The following NCAN variants were observed in gnomAD, a reference collection of about 807,000 sequenced individuals.
The protein encoded by NCAN is neurocan.
In NCAN, 47 loss-of-function variants were observed where a neutral mutation model predicts 121.8. The ratio of observed to expected loss-of-function variants is 0.39; its 90% CI spans 0.31 to 0.49. The LOEUF is 0.49. Among genes scored for constraint, NCAN ranks in the 20% least tolerant of loss-of-function variants. NCAN has a pLI of 0.92. For missense variants in NCAN, 1,517 were observed against 1,773.4 expected, an observed-to-expected ratio of 0.86 and a Z score of 2.60; for synonymous variants, 633 against 702.0, an observed-to-expected ratio of 0.90 and a Z score of 1.55.
intron 14 of NCAN, 136 bp from the exon 15 acceptor site, chr19:19,249,630 G>T: frequency 7.3e-7 from 1 of 1,361,416 alleles, no homozygotes; most frequent in Non-Finnish European, 9.9e-7. Flanking sequence ...GCCTCCCAAA[G>T]TGCTGGGATG....
In NCAN at chr19:19,248,767, T is replaced by C. The variant is rs147720953; in HGVS notation, c.3705T>C (p.Asn1235=). The C allele has an allele frequency of 6.8e-5, 110 of 1,614,034 alleles. No individual in the cohort carries two copies. Among genetic ancestry groups the C allele is most frequent in the Non-Finnish European group, 9.2e-5 (109 of 1,180,030 alleles). Residue 1235 remains asparagine, a synonymous_variant, in exon 14 of 15, where the codon AAT becomes AAC. Coordinates refer to ENST00000252575, the MANE Select transcript of NCAN (RefSeq NM_004386.3). ...TCGGTGCCCGCAAGGCCAAGTACAA[T>C]GTCCATGCCACTGTAAGGTACCAGT... ...SLIGARKAKY[N]VHATVRYQCN...
At chr19:19,248,548 C>G in intron 13 of NCAN, 152 bp from the exon 14 acceptor site, 1 of 643,652 alleles carries the variant, frequency 1.6e-6, no homozygotes, top group Non-Finnish European at 2.5e-6. Flanking sequence ...TCGCTTGAAC[C>G]AGAGAGGCGG....
chr19:19,214,863 C>T (rs965305331), intron 1 of NCAN, among the ~76,000 whole-genome samples: 1 of 152,096 alleles, frequency 6.6e-6, no homozygotes, highest in Non-Finnish European at 1.5e-5. Flanking sequence ...AATACCTGGC[C>T]AGGCCTGGAA....
rs1468701849 is a variant in NCAN at position 19,228,321 on chromosome 19, C to G, written c.2701C>G (p.Pro901Ala). The change falls in exon 8 of 15, where the codon CCA becomes GCA. Residue 901 changes from proline to alanine, a missense_variant. Pro to Ala is a conservative substitution (Grantham distance 27, BLOSUM62 -1). Coordinates refer to ENST00000252575, the MANE Select transcript of NCAN (RefSeq NM_004386.3). ...GSSSSQPHPE[P>A]EDQVETQGTS... ...CTCAAGCTCCCAACCCCACCCAGAG[C>G]CAGAGGATCAGGTGGAGACCCAGGG... 3 of 1,613,874 alleles carry G rather than the reference C, an allele frequency of 1.9e-6. No individual in the cohort carries two copies. In the African/African-American group the frequency reaches 4.0e-5, roughly 22 times the overall value.
Position 19,225,564 on chromosome 19 carries a change from A to G in NCAN, c.1072+294A>G, listed in dbSNP as rs945850261. 3.3e-5 allele frequency among the ~76,000 whole-genome samples: 5 copies of G among 152,116 alleles called. No individual in the cohort carries two copies. The highest frequency in any genetic ancestry group is 4.4e-5 in the Non-Finnish European group (3 of 68,000). ...AGGTCCGGAGGCCCCATAACCTTGA[A>G]AGACAAGCCCCTAGGTGGGGCATAC... On this transcript the variant is annotated intron_variant, in intron 6 of 14. Coordinates refer to ENST00000252575, the MANE Select transcript of NCAN (RefSeq NM_004386.3). This position sits in a 1 kb window ranked among gnomAD's most constrained non-coding sequence, Gnocchi z 4.0.
chr19:19,244,904 G>A (rs898666316), intron 12 of NCAN, among the ~76,000 whole-genome samples: 1 of 151,242 alleles, frequency 6.6e-6, no homozygotes, highest in African/African-American at 2.4e-5. Context: ...TGGTGATGGG[G>A]TTTCACCATA....
At chr19:19,245,976 C>T (rs576159073) in intron 13 of NCAN, among the ~76,000 whole-genome samples, 51 of 152,008 alleles carry the variant, frequency 3.4e-4, no homozygotes, top group South Asian at 1.7e-3. Flanking sequence ...AATCCCAACA[C>T]TTTGGGAGGC....
chr19:19,229,143 G>A (rs923800783), intron 8 of NCAN, among the ~76,000 whole-genome samples: 2 of 152,220 alleles, frequency 1.3e-5, no homozygotes, highest in African/African-American at 2.4e-5. Flanking sequence ...GGGAGGCGGA[G>A]GTTGCAGTGA....
intron 1 of NCAN, among the ~76,000 whole-genome samples, chr19:19,215,278 C>A (rs1420142042): frequency 6.6e-6 from 1 of 152,226 alleles, no homozygotes; most frequent in South Asian, 2.1e-4. Flanking sequence ...CTTATGGGGG[C>A]GGGGAGCAAG....
intron 8 of NCAN, among the ~76,000 whole-genome samples, chr19:19,230,022 C>CT (rs1288403415): frequency 6.6e-6 from 1 of 152,056 alleles, no homozygotes; most frequent in Non-Finnish European, 1.5e-5. Flanking sequence ...ATTAATAAGT[C>CT]TTTTTTTCTG....
At chr19:19,232,724 G>A (rs1031950439) in intron 8 of NCAN, 2 of 152,182 alleles carry the variant, frequency 1.3e-5, no homozygotes, top group Non-Finnish European at 2.9e-5. Flanking sequence ...ACTGAGGGAC[G>A]ACGTTTTTAC....
chr19:19,248,962 C>A, intron 14 of NCAN, 80 bp downstream of exon 14: 2 of 1,472,136 alleles, frequency 1.4e-6, no homozygotes, highest in African/African-American at 1.4e-5. Flanking sequence ...TTTCTCCACA[C>A]ATTGATCTGG....
At chr19:19,248,561 G>T (rs2060934305) in intron 13 of NCAN, 139 bp from the exon 14 acceptor site, 5 of 729,074 alleles carry the variant, frequency 6.9e-6, no homozygotes, top group African/African-American at 3.6e-5. Context: ...AGAGGCGGAG[G>T]TTGCAGTGAG....
Position 19,224,011 on chromosome 19 carries a change from T to A in NCAN, c.476-10T>A. On this transcript the variant is annotated splice_polypyrimidine_tract_variant and intron_variant, in intron 3 of 14. Transcript: ENST00000252575. ...TCAACTGTCCCCCCATCCTGGATGT[T>A]CCCCCACAGGTGTTGTGTTCCACTA... 6.6e-7 allele frequency: 1 copy of A among 1,506,300 alleles called. No individual in the cohort carries two copies. Among genetic ancestry groups the A allele is most frequent in the Admixed American group, 2.2e-5 (1 of 45,888 alleles). The allele number at this position is 1,506,300 out of a possible 1,614,324, so 93.3% of individuals were successfully genotyped here. A position where few individuals can be genotyped will look rare whatever the true frequency, so the allele number is the denominator to read the frequency against.
intron 1 of NCAN, among the ~76,000 whole-genome samples, chr19:19,214,875 A>G (rs1215077317): frequency 6.6e-6 from 1 of 152,154 alleles, no homozygotes; most frequent in Non-Finnish European, 1.5e-5. Flanking sequence ...GGCCTGGAAC[A>G]GCCATGAGGG....
At position 19,238,383 on chromosome 19, in the gene NCAN, C is replaced by G; in HGVS notation, c.3381C>G (p.His1127Gln). 6.2e-7 allele frequency: 1 copy of G among 1,614,214 alleles called. No homozygotes were observed. The highest frequency in any genetic ancestry group is 1.7e-5 in the Admixed American group (1 of 60,026). Residue 1127 changes from histidine to glutamine, a missense_variant, in exon 11 of 15, where the codon CAC becomes CAG. Transcript: ENST00000252575. The part of the protein sequence containing the change: ...RRRSGHLTSV[H>Q]SPEEHSFINS... ...GCTCCGGCCACCTGACCAGCGTCCA[C>G]TCACCGGAGGAACACAGCTTCATTA...
chr19:19,215,276 G>C (rs2060792393), intron 1 of NCAN, among the ~76,000 whole-genome samples: 1 of 152,308 alleles, frequency 6.6e-6, no homozygotes, highest in Non-Finnish European at 1.5e-5. Flanking sequence ...TTCTTATGGG[G>C]GCGGGGAGCA....
Position 19,245,393 on chromosome 19 carries a change from A to G in NCAN, c.3573A>G (p.Glu1191=). Residue 1191 remains glutamate, a synonymous_variant, in exon 13 of 15, where the codon GAA becomes GAG. Coordinates refer to ENST00000252575, the MANE Select transcript of NCAN (RefSeq NM_004386.3). The stretch of plus-strand genomic sequence containing the variant: ...ACTGTGTGGTGATGGTGGCGCATGA[A>G]AGCGGGCGCTGGAACGATGTCCCCT... ...GEDCVVMVAH[E]SGRWNDVPCN... 1 of 1,614,194 alleles carries G rather than the reference A, an allele frequency of 6.2e-7. No individual in the cohort carries two copies. The highest frequency in any genetic ancestry group is 8.5e-7 in the Non-Finnish European group (1 of 1,180,034).
intron 1 of NCAN, among the ~76,000 whole-genome samples, chr19:19,215,445 G>A (rs545799841): frequency 6.6e-6 from 1 of 152,300 alleles, no homozygotes; most frequent in Non-Finnish European, 1.5e-5. Flanking sequence ...GCACTGCTGT[G>A]TCCCAACGAC....
Sources: allele counts gnomAD v4.1 joint callset (sites outside exome capture counted in the v4.1 genomes callset), GRCh38; gene constraint gnomAD v4.1.1; non-coding constraint Gnocchi (gnomAD v3.1); transcripts MANE v1.5; gene names NCBI Gene and HGNC (gene_info 2026-07-23, HGNC 2026-07-21).